The following TCERG1L variants were observed in gnomAD, a reference collection of about 807,000 sequenced individuals.
TCERG1L encodes transcription elongation regulator 1-like protein.
A neutral mutation model predicts 56.3 loss-of-function variants in TCERG1L; 37 were observed. The ratio of observed to expected loss-of-function variants is 0.66; its 90% CI spans 0.51 to 0.87. The LOEUF (loss-of-function observed/expected upper bound fraction) is 0.87, where lower values mean the gene tolerates loss of function less well. TCERG1L is among the 40% of genes least tolerant of loss of function. The probability of loss-of-function intolerance (pLI) is 0.00; values close to 1 mark genes in which losing one functional copy is unlikely to be tolerated. For synonymous variants in TCERG1L, 324 were observed against 326.3 expected, an observed-to-expected ratio of 0.99 and a Z score of 0.08; for missense variants, 799 against 774.2, an observed-to-expected ratio of 1.03 and a Z score of -0.38.
intron 3 of TCERG1L, among the ~76,000 whole-genome samples, chr10:131,271,544 G>A (rs1846339593): frequency 6.6e-6 from 1 of 152,252 alleles, no homozygotes; most frequent in African/African-American, 2.4e-5. Flanking sequence ...AAAGGAGCGT[G>A]CTGGCGTCAT....
intron 9 of TCERG1L, among the ~76,000 whole-genome samples, chr10:131,109,082 T>G (rs1273388293): frequency 1.3e-5 from 2 of 149,916 alleles, no homozygotes; most frequent in African/African-American, 5.0e-5. Flanking sequence ...GTGGGGGGGG[T>G]GGAGGGTGGT....
At chr10:131,279,663 TGGA>T (rs1846431094) in intron 3 of TCERG1L, among the ~76,000 whole-genome samples, 1 of 152,224 alleles carries the variant, frequency 6.6e-6, no homozygotes, top group African/African-American at 2.4e-5. Context: ...GAGAAGGATC[TGGA>T]GGAGCACAGG....
chr10:131,156,120 C>G (rs983379595), intron 6 of TCERG1L: 1 of 152,158 alleles, frequency 6.6e-6, no homozygotes, highest in Admixed American at 6.5e-5. Context: ...TGACCGAGCC[C>G]CGCATCTCTC....
intron 10 of TCERG1L, among the ~76,000 whole-genome samples, chr10:131,102,565 G>A (rs1422931642): frequency 4.6e-5 from 7 of 152,320 alleles, no homozygotes; most frequent in African/African-American, 7.2e-5. Context: ...CTGCTGGTGT[G>A]AGAAATCCAG....
At chr10:131,211,905 A>G (rs1285205346) in intron 4 of TCERG1L, among the ~76,000 whole-genome samples, 8 of 152,358 alleles carry the variant, frequency 5.3e-5, no homozygotes, top group Non-Finnish European at 1.2e-4. Flanking sequence ...AAGTTTCCAC[A>G]GCATTAGTTC....
In TCERG1L at chr10:131,308,751, C is replaced by T. The variant is rs150889627; in HGVS notation, c.490-360G>A. ...CAAAATGTAGTCAGTAAATTTGAAC[C>T]CGAAAGCCAAAACAAACCATTAGAA... On this transcript the variant is annotated intron_variant, in intron 2 of 11. Transcript: ENST00000368642. Among the ~76,000 whole-genome samples the T allele has an allele frequency of 6.3e-3, 961 of 152,204 alleles. 15 individuals carry two copies. The highest frequency in any genetic ancestry group is 0.022 in the African/African-American group (899 of 41,508).
chr10:131,126,985 C>T (rs1003532637), intron 8 of TCERG1L, among the ~76,000 whole-genome samples: 1 of 152,086 alleles, frequency 6.6e-6, no homozygotes, highest in Non-Finnish European at 1.5e-5. Flanking sequence ...AAAAGCAAAC[C>T]CACAACAACA....
Position 131,118,017 on chromosome 10 carries a change from C to T in TCERG1L, c.1260-1083G>A, listed in dbSNP as rs1016293860. Among the ~76,000 whole-genome samples the T allele has an allele frequency of 3.9e-5, 6 of 152,170 alleles. No homozygotes were observed. The highest frequency in any genetic ancestry group is 9.7e-5 in the African/African-American group (4 of 41,444). ...TCAGGATGCAGCCTGTTCTCCAGGA[C>T]GGGCAGACTCAACCCGCGCTGGGTT... On this transcript the variant is annotated intron_variant, in intron 8 of 11. Coordinates refer to ENST00000368642, the MANE Select transcript of TCERG1L (RefSeq NM_174937.4). This position sits in a 1 kb window ranked among gnomAD's most constrained non-coding sequence, Gnocchi z 4.2.
At chr10:131,141,634 TCCTCCTTTCCAACTTCCCCTC>T (rs879928358) in intron 7 of TCERG1L, among the ~76,000 whole-genome samples, 23 of 151,538 alleles carry the variant, frequency 1.5e-4, no homozygotes, top group Admixed American at 1.4e-3. Context: ...TCCTTTCCTT[TCCTCCTTTCCAACTTCCCCTC>T]CCTCCTTTCC....
At chr10:131,270,942 A>G (rs967810543) in intron 3 of TCERG1L, among the ~76,000 whole-genome samples, 1 of 152,052 alleles carries the variant, frequency 6.6e-6, no homozygotes, top group Non-Finnish European at 1.5e-5. Context: ...CATCCATCTG[A>G]CGCATCTGAG....
chr10:131,107,581 G>A (rs1465242206), intron 9 of TCERG1L, among the ~76,000 whole-genome samples: 1 of 152,134 alleles, frequency 6.6e-6, no homozygotes, highest in Non-Finnish European at 1.5e-5. Flanking sequence ...CCAGGTGGGC[G>A]CAGGACTTCT....
intron 9 of TCERG1L, among the ~76,000 whole-genome samples, chr10:131,104,640 G>T (rs576509085): frequency 2.0e-5 from 3 of 152,154 alleles, no homozygotes; most frequent in Non-Finnish European, 4.4e-5. Context: ...CTGTGGAGGC[G>T]TGGCATTCTG....
chr10:131,274,272 C>T (rs915716921), intron 3 of TCERG1L, among the ~76,000 whole-genome samples: 1 of 152,180 alleles, frequency 6.6e-6, no homozygotes, highest in Non-Finnish European at 1.5e-5. Context: ...CAGAACGCAG[C>T]CTTTGGGTGG....
chr10:131,273,719 C>T (rs1279803959), intron 3 of TCERG1L, among the ~76,000 whole-genome samples: 1 of 152,130 alleles, frequency 6.6e-6, no homozygotes, highest in Admixed American at 6.5e-5. Flanking sequence ...TGGCACTGGC[C>T]CAAGGTCTCC....
intron 4 of TCERG1L, among the ~76,000 whole-genome samples, chr10:131,167,474 G>T (rs914475030): frequency 2.0e-5 from 3 of 152,236 alleles, no homozygotes; most frequent in African/African-American, 7.2e-5. Context: ...GCCCAGGCTG[G>T]GTGCCATCTA....
At chr10:131,197,611 C>T (rs1033032939) in intron 4 of TCERG1L, among the ~76,000 whole-genome samples, 1 of 152,148 alleles carries the variant, frequency 6.6e-6, no homozygotes, top group Non-Finnish European at 1.5e-5. Flanking sequence ...GGGAATTTTT[C>T]ATTATATCCC....
Position 131,093,107 on chromosome 10 carries a change from T to C in TCERG1L, c.*55A>G. On this transcript the variant is annotated 3_prime_UTR_variant, in exon 12 of 12. Transcript: ENST00000368642. ...CGTGTCCGTCTCCACCGTGACCCCC[T>C]CGCCCCCGGCACGCCCAGGGTCAAC... The C allele has an allele frequency of 1.9e-6, 3 of 1,584,306 alleles. No individual in the cohort carries two copies. The highest frequency in any genetic ancestry group is 2.6e-6 in the Non-Finnish European group (3 of 1,165,182).
intron 4 of TCERG1L, among the ~76,000 whole-genome samples, chr10:131,250,590 T>C (rs1170571732): frequency 6.6e-6 from 1 of 152,096 alleles, no homozygotes; most frequent in African/African-American, 2.4e-5. Context: ...CACTCATCGC[T>C]TGCCTAGATG....
chr10:131,211,134 G>A (rs989178302), intron 4 of TCERG1L, among the ~76,000 whole-genome samples: 3 of 152,240 alleles, frequency 2.0e-5, no homozygotes, highest in Admixed American at 2.0e-4. Flanking sequence ...GTGTTGGGAT[G>A]GTATCTGGGT....
Sources: allele counts gnomAD v4.1 joint callset (sites outside exome capture counted in the v4.1 genomes callset), GRCh38; gene constraint gnomAD v4.1.1; non-coding constraint Gnocchi (gnomAD v3.1); transcripts MANE v1.5; gene names NCBI Gene and HGNC (gene_info 2026-07-23, HGNC 2026-07-21).